The following ERBB4 variants were observed in gnomAD, a reference collection of about 807,000 sequenced individuals.
The protein encoded by ERBB4 is erb-b2 receptor tyrosine kinase 4.
A neutral mutation model predicts 158.0 loss-of-function variants in ERBB4; 42 were observed. The observed-to-expected ratio is 0.27, with a 90% CI of 0.21 to 0.34. The LOEUF is 0.34. Among genes scored for constraint, ERBB4 ranks in the 10% least tolerant of loss-of-function variants. The pLI is 1.00. For synonymous variants in ERBB4, 583 were observed against 558.7 expected (o/e 1.04, Z -0.61); for missense variants, 1,333 against 1,624.1 (o/e 0.82, Z 3.08).
rs2125407153 is a variant in ERBB4, at chr2:211,422,124, A to G, written c.2867-20T>C. 7.0e-7 allele frequency: 1 copy of G among 1,438,602 alleles called. No individual in the cohort carries two copies. Among genetic ancestry groups the G allele is most frequent in the Non-Finnish European group, 9.8e-7 (1 of 1,020,208 alleles). 89.1% of individuals were successfully genotyped at this position (1,438,602 alleles called of 1,614,324 possible). On this transcript the variant is annotated intron_variant, in intron 23 of 27. Transcript: ENST00000342788. ...TCCAACCTGGAAATTTACACAGTGA[A>G]AATGTCACTATATTCGTAACTAGAA...
At chr2:212,107,122 T>TA (rs773049912) in intron 2 of ERBB4, among the ~76,000 whole-genome samples, 17 of 152,172 alleles carry the variant, frequency 1.1e-4, no homozygotes, top group Non-Finnish European at 2.2e-4. Context: ...TCCAGGACCC[T>TA]AAATAATAGA....
intron 19 of ERBB4, among the ~76,000 whole-genome samples, chr2:211,614,467 C>T (rs1298530016): frequency 1.3e-5 from 2 of 151,848 alleles, no homozygotes; most frequent in Non-Finnish European, 2.9e-5. Flanking sequence ...GGGATAGATA[C>T]CCCATTCTCC....
intron 16 of ERBB4, among the ~76,000 whole-genome samples, chr2:211,631,036 G>T (rs773869172): frequency 6.6e-6 from 1 of 152,144 alleles, no homozygotes; most frequent in Non-Finnish European, 1.5e-5. Context: ...TCACAACAGT[G>T]GCACTATTGA....
At chr2:212,488,315 GCTCCTCTCTCTCTCTCTCTCTCTCT>G (rs886187527) in intron 1 of ERBB4, among the ~76,000 whole-genome samples, 9 of 121,146 alleles carry the variant, frequency 7.4e-5, no homozygotes, top group African/African-American at 2.3e-4. Context: ...AAGTTTCCTC[GCTCCTCTCTCTCTCTCTCTCTCTCT>G]CTCCTCTCTC....
intron 3 of ERBB4, among the ~76,000 whole-genome samples, chr2:211,941,556 T>C (rs1008995017): frequency 6.6e-6 from 1 of 151,910 alleles, no homozygotes; most frequent in Admixed American, 6.6e-5. Flanking sequence ...GGGCAACAGG[T>C]GCTTGGCATG....
chr2:212,078,031 A>C (rs974193377), intron 2 of ERBB4, among the ~76,000 whole-genome samples: 3 of 152,104 alleles, frequency 2.0e-5, no homozygotes, highest in African/African-American at 7.2e-5. Flanking sequence ...GAAAGAAAGT[A>C]ATTCCAAAGG....
intron 20 of ERBB4, among the ~76,000 whole-genome samples, chr2:211,557,017 T>G: frequency 6.6e-6 from 1 of 152,126 alleles, no homozygotes; most frequent in East Asian, 1.9e-4. Context: ...GGGGAAAAGA[T>G]TTCCTATTTA....
chr2:211,400,865 G>C (rs1387275115), intron 25 of ERBB4, among the ~76,000 whole-genome samples: 1 of 151,990 alleles, frequency 6.6e-6, no homozygotes. Flanking sequence ...AACATTGTAT[G>C]CCTGTATCAA....
At chr2:211,515,896 T>TTTTATATA (rs1394844699) in intron 20 of ERBB4, among the ~76,000 whole-genome samples, 7 of 88,956 alleles carry the variant, frequency 7.9e-5, no homozygotes, top group African/African-American at 3.1e-4. Context: ...AAAACATATA[T>TTTTATATA]TATATATATA....
chr2:211,579,332 A>C (rs878932870), intron 19 of ERBB4, among the ~76,000 whole-genome samples: 1 of 152,166 alleles, frequency 6.6e-6, no homozygotes, highest in African/African-American at 2.4e-5. Flanking sequence ...ATATAGGAAC[A>C]CTTTTACACT....
In ERBB4 at chr2:211,381,816, T is replaced by C. The variant is rs2062577576; in HGVS notation, c.*1799A>G. On this transcript the variant is annotated 3_prime_UTR_variant, in exon 28 of 28. Coordinates refer to ENST00000342788, the MANE Select transcript of ERBB4 (RefSeq NM_005235.3). Reference sequence around the variant, plus strand: ...TATTGATTCTAATTTGGTCCCAATATTTTAACATTAGAAATATTTTTTAAA... The same window carrying C: ...TATTGATTCTAATTTGGTCCCAATACTTTAACATTAGAAATATTTTTTAAA... The C allele has an allele frequency of 4.4e-6, 1 of 229,154 alleles. No homozygotes were observed. The highest frequency in any genetic ancestry group is 8.7e-6 in the Non-Finnish European group (1 of 115,598). 14.2% of individuals were successfully genotyped at this position (229,154 alleles called of 1,614,324 possible). A position where few individuals can be genotyped will look rare whatever the true frequency, so the allele number is the denominator to read the frequency against.
chr2:211,968,687 T>G (rs554612282), intron 2 of ERBB4, among the ~76,000 whole-genome samples: 3 of 152,086 alleles, frequency 2.0e-5, no homozygotes, highest in African/African-American at 7.2e-5. Flanking sequence ...GGGAATTCTA[T>G]GTTTCCAGAT....
chr2:212,272,556 G>C (rs992584018), intron 1 of ERBB4, among the ~76,000 whole-genome samples: 2 of 151,770 alleles, frequency 1.3e-5, no homozygotes, highest in Admixed American at 1.3e-4. Flanking sequence ...CCCCAGGCTA[G>C]AGGAGAGTCA....
intron 1 of ERBB4, among the ~76,000 whole-genome samples, chr2:212,188,096 C>T (rs984577835): frequency 5.9e-5 from 9 of 151,880 alleles, no homozygotes; most frequent in Non-Finnish European, 1.2e-4. Flanking sequence ...AATATAGCCA[C>T]AATCAATCCA....
intron 1 of ERBB4, among the ~76,000 whole-genome samples, chr2:212,472,224 A>G (rs1689148754): frequency 6.7e-6 from 1 of 149,610 alleles, no homozygotes; most frequent in Admixed American, 6.7e-5. Context: ...CTTTCCTACT[A>G]AAAGGAAGAG....
At chr2:212,407,830 A>G (rs550513650) in intron 1 of ERBB4, among the ~76,000 whole-genome samples, 132 of 152,106 alleles carry the variant, frequency 8.7e-4, no homozygotes, top group African/African-American at 2.9e-3. Context: ...CATAATATCA[A>G]TGCACATAGA....
At chr2:211,422,424 A>G (rs998506363) in intron 23 of ERBB4, among the ~76,000 whole-genome samples, 15 of 151,242 alleles carry the variant, frequency 9.9e-5, no homozygotes, top group Non-Finnish European at 1.5e-4. Flanking sequence ...CAATGCTTAC[A>G]CTGGCACAAA....
At chr2:212,006,713 CA>C (rs2076267495) in intron 2 of ERBB4, among the ~76,000 whole-genome samples, 1 of 151,856 alleles carries the variant, frequency 6.6e-6, no homozygotes, top group South Asian at 2.1e-4. Flanking sequence ...ATAAGTATAC[CA>C]AATTTCTATA....
intron 1 of ERBB4, among the ~76,000 whole-genome samples, chr2:212,371,539 A>C (rs1201257747): frequency 1.3e-5 from 2 of 152,180 alleles, no homozygotes; most frequent in African/African-American, 4.8e-5. Flanking sequence ...ATCCAATGCA[A>C]GTTCTATTGT....
Sources: gnomAD v4.1 joint callset for allele counts (sites outside exome capture counted in the v4.1 genomes callset) on GRCh38, gnomAD v4.1.1 for gene constraint, MANE v1.5 for transcripts, NCBI Gene and HGNC (gene_info 2026-07-23, HGNC 2026-07-21) for gene names.